The following ZC3H14 variants were observed in gnomAD, a reference collection of about 807,000 sequenced individuals.
ZC3H14 encodes the protein zinc finger CCCH-type containing 14.
Under a neutral mutation model 92.4 loss-of-function variants are expected in ZC3H14, and 31 were observed. That is an observed-to-expected ratio of 0.34 (90% CI 0.25 to 0.45). The LOEUF (loss-of-function observed/expected upper bound fraction) is 0.45, where lower values mean the gene tolerates loss of function less well. Among genes scored for constraint, ZC3H14 ranks in the 20% least tolerant of loss-of-function variants. The pLI is 1.00. For synonymous variants in ZC3H14, 321 were observed against 300.9 expected (o/e 1.07, Z -0.69); for missense variants, 781 against 897.3 (o/e 0.87, Z 1.66).
intron 3 of ZC3H14, among the ~76,000 whole-genome samples, chr14:88,570,147 T>C (rs973440780): frequency 6.6e-6 from 1 of 152,256 alleles, no homozygotes; most frequent in African/African-American, 2.4e-5. Context: ...TTGAGTTCTT[T>C]AACATGTAGT....
chr14:88,578,233 G>C, intron 9 of ZC3H14, 93 bp downstream of exon 9: 1 of 1,472,850 alleles, frequency 6.8e-7, no homozygotes, highest in Non-Finnish European at 9.4e-7. Context: ...ATTACACTAT[G>C]AAAAAAGTGA....
chr14:88,615,638 A>T lies in ZC3H14; in HGVS notation c.*3887A>T, dbSNP rs1478894208. On this transcript the variant is annotated 3_prime_UTR_variant, in exon 17 of 17. Transcript: ENST00000251038. ...TGGCAGTGTATGGATTACGGATTAT[A>T]CCCAGTGCATATAGCAAATATTTTG... 1.7e-6 allele frequency: 1 copy of T among 592,210 alleles called. No homozygotes were observed. The highest frequency in any genetic ancestry group is 1.9e-5 in the African/African-American group (1 of 53,288). 36.7% of individuals were successfully genotyped at this position (592,210 alleles called of 1,614,324 possible).
At chr14:88,608,563 G>A (rs1461910747) in intron 13 of ZC3H14, 5 of 234,566 alleles carry the variant, frequency 2.1e-5, no homozygotes, top group Admixed American at 1.1e-4. Flanking sequence ...TTTGTGCCTC[G>A]GACCTGTGAG....
chr14:88,605,789 AC>A (rs1316864840), intron 12 of ZC3H14, among the ~76,000 whole-genome samples: 3 of 152,234 alleles, frequency 2.0e-5, no homozygotes, highest in African/African-American at 7.2e-5. Flanking sequence ...AATGTGGGTC[AC>A]TGGAACAGTA....
At position 88,572,149 on chromosome 14, in the gene ZC3H14, A is replaced by T; in HGVS notation, c.355A>T (p.Ile119Phe). The change falls in exon 5 of 17, where the codon ATT becomes TTT. Residue 119 changes from isoleucine (I) to phenylalanine (F), a missense_variant. Ile to Phe is a conservative substitution (Grantham distance 21, BLOSUM62 0). Around this residue, in one of 3 missense-constraint regions of ZC3H14, gnomAD observed 106 missense variants for 154.2 expected, o/e 0.69. Transcript: ENST00000251038. ...TGAAGCTGCAGTGCCACCACTTGCC[A>T]TTCCTAGCGCGAGACCTGAAAAAAG... ...RHEAAVPPLA[I>F]PSARPEKRDS... 1 of 1,614,180 alleles carries T rather than the reference A, an allele frequency of 6.2e-7. No individual in the cohort carries two copies. Among genetic ancestry groups the T allele is most frequent in the South Asian group, 1.1e-5 (1 of 91,086 alleles).
rs1406815283 is a variant in ZC3H14 at position 88,563,172 on chromosome 14, G to A, written c.36+3G>A. 3.1e-6 allele frequency: 5 copies of A among 1,604,446 alleles called. No individual in the cohort carries two copies. Among genetic ancestry groups the A allele is most frequent in the Non-Finnish European group, 4.2e-6 (5 of 1,177,128 alleles). ...CCGAGATCAGCCGCAAGATCCGGGT[G>A]AGGCCCGTGCCGGTCGGGGGTGGGA... On this transcript the variant is annotated splice_donor_region_variant and intron_variant, in intron 1 of 16. Transcript: ENST00000251038.
chr14:88,563,539 C>G (rs1484467452), intron 1 of ZC3H14, 112 bp from the exon 2 acceptor site: 3 of 1,578,822 alleles, frequency 1.9e-6, no homozygotes, highest in South Asian at 2.2e-5. Context: ...CAGCCCCCGC[C>G]CGGGGGATCC....
chr14:88,570,707 CAG>C (rs2080274840), intron 3 of ZC3H14, among the ~76,000 whole-genome samples: 1 of 152,112 alleles, frequency 6.6e-6, no homozygotes, highest in South Asian at 2.1e-4. Context: ...ATGTTGAAAA[CAG>C]TGAAGAAAAA....
chr14:88,621,883 C>G lies in ZC3H14; in HGVS notation c.*10132C>G, dbSNP rs1463980832. On this transcript the variant is annotated 3_prime_UTR_variant, in exon 17 of 17. Coordinates refer to ENST00000251038, the MANE Select transcript of ZC3H14 (RefSeq NM_024824.5). Reference sequence around the variant, plus strand: ...ATCATTTCTTTGTGATGGAAACTTTCAAAATCCTCTCTTGTAAATACCTGA... The same window carrying G: ...ATCATTTCTTTGTGATGGAAACTTTGAAAATCCTCTCTTGTAAATACCTGA... The G allele has an allele frequency of 4.4e-6, 2 of 456,360 alleles. No individual in the cohort carries two copies. The highest frequency in any genetic ancestry group is 2.0e-5 in the African/African-American group (1 of 50,064). The allele number at this position is 456,360 out of a possible 1,614,324, so 28.3% of individuals were successfully genotyped here.
intron 8 of ZC3H14, among the ~76,000 whole-genome samples, 196 bp from the exon 9 acceptor site, chr14:88,577,789 C>G (rs1285118124): frequency 1.3e-5 from 2 of 152,088 alleles, no homozygotes; most frequent in Non-Finnish European, 2.9e-5. Flanking sequence ...AGGCTGGTCT[C>G]AAACTCCTGA....
At position 88,624,849 on chromosome 14, in the gene ZC3H14, A is replaced by G. The variant is rs975286913; in HGVS notation, c.*13098A>G. ...ACATAAAAGGTAATAAAGGAGAAGCATATGAGGAGGAAGGTCGGAGAGGAC... is the reference window on the plus strand; with the variant it reads ...ACATAAAAGGTAATAAAGGAGAAGCGTATGAGGAGGAAGGTCGGAGAGGAC... On this transcript the variant is annotated 3_prime_UTR_variant, in exon 17 of 17. Coordinates refer to ENST00000251038, the MANE Select transcript of ZC3H14 (RefSeq NM_024824.5). The G allele has an allele frequency of 3.5e-5, 37 of 1,042,336 alleles. No individual in the cohort carries two copies. Among genetic ancestry groups the G allele is most frequent in the Middle Eastern group, 2.1e-4 (1 of 4,694 alleles). 64.6% of individuals were successfully genotyped at this position (1,042,336 alleles called of 1,614,324 possible).
chr14:88,565,993 G>T (rs1040044075), intron 2 of ZC3H14, among the ~76,000 whole-genome samples: 1 of 119,384 alleles, frequency 8.4e-6, no homozygotes, highest in Admixed American at 9.9e-5. Flanking sequence ...TCAGCTTCCC[G>T]AGTAGCTGGG....
intron 3 of ZC3H14, among the ~76,000 whole-genome samples, chr14:88,568,752 A>G (rs1324117210): frequency 1.3e-5 from 2 of 152,216 alleles, no homozygotes; most frequent in African/African-American, 4.8e-5. Flanking sequence ...TAGTACAGCC[A>G]CTTGCTTTAT....
intron 15 of ZC3H14, among the ~76,000 whole-genome samples, 179 bp from the exon 16 acceptor site, chr14:88,610,655 A>AAC (rs952886748): frequency 2.0e-5 from 3 of 150,844 alleles, no homozygotes; most frequent in South Asian, 2.1e-4. Context: ...TAAAAAAAAA[A>AAC]AAAACAGGCT....
At position 88,618,969 on chromosome 14, in the gene ZC3H14, G is replaced by T; in HGVS notation, c.*7218G>T. 1 of 566,334 alleles carries T rather than the reference G, an allele frequency of 1.8e-6. No individual in the cohort carries two copies. Among genetic ancestry groups the T allele is most frequent in the Non-Finnish European group, 2.8e-6 (1 of 353,174 alleles). 35.1% of individuals were successfully genotyped at this position (566,334 alleles called of 1,614,324 possible). A position where few individuals can be genotyped will look rare whatever the true frequency, so the allele number is the denominator to read the frequency against. On this transcript the variant is annotated 3_prime_UTR_variant, in exon 17 of 17. Coordinates refer to ENST00000251038, the MANE Select transcript of ZC3H14 (RefSeq NM_024824.5). ...ACAACTGATCATGTATACTGAGATT[G>T]TCTGGGTTACATGAAATAAGGAAGC... is the stretch of plus-strand genomic sequence containing the variant.
rs2088411381 is a variant in ZC3H14 at position 88,619,351 on chromosome 14, G to A, written c.*7600G>A. ...TTGCACTTCAGCATGGGCAACAAGA[G>A]CAAAACTCCAACTCAAAACAAAACA... On this transcript the variant is annotated 3_prime_UTR_variant, in exon 17 of 17. Coordinates refer to ENST00000251038, the MANE Select transcript of ZC3H14 (RefSeq NM_024824.5). 6.6e-6 allele frequency: 1 copy of A among 152,352 alleles called. No individual in the cohort carries two copies. The highest frequency in any genetic ancestry group is 6.5e-5 in the Admixed American group (1 of 15,270). 9.4% of individuals were successfully genotyped at this position (152,352 alleles called of 1,614,324 possible).
intron 2 of ZC3H14, among the ~76,000 whole-genome samples, chr14:88,564,419 G>A (rs576375002): frequency 1.1e-4 from 16 of 152,302 alleles, no homozygotes; most frequent in African/African-American, 3.1e-4. Flanking sequence ...TGTAAACAAG[G>A]AAACTGAGGC....
chr14:88,574,650 T>TACA, intron 6 of ZC3H14, 43 bp from the exon 7 acceptor site: 2 of 1,611,632 alleles, frequency 1.2e-6, no homozygotes, highest in Non-Finnish European at 1.7e-6. Flanking sequence ...GAACTCTTGT[T>TACA]ATTTTCTGAG....
intron 8 of ZC3H14, 58 bp downstream of exon 8, chr14:88,575,998 G>C: frequency 2.1e-6 from 3 of 1,426,548 alleles, no homozygotes; most frequent in Non-Finnish European, 3.0e-6. Flanking sequence ...TCTTGAGTAA[G>C]GTGAAAATGA....
Sources: allele counts gnomAD v4.1 joint callset (sites outside exome capture counted in the v4.1 genomes callset), GRCh38; gene constraint gnomAD v4.1.1; regional missense constraint gnomAD v4.1.1; transcripts MANE v1.5; gene names NCBI Gene and HGNC (gene_info 2026-07-23, HGNC 2026-07-21).